FRA10AC1: variants seen among roughly 807,000 people sequenced by gnomAD.
FRA10AC1 encodes protein FRA10AC1.
In FRA10AC1, 43 loss-of-function variants were observed where a neutral mutation model predicts 56.5. That is an observed-to-expected ratio of 0.76 (90% CI 0.60 to 0.98). FRA10AC1 has a LOEUF of 0.98. FRA10AC1 is among the 50% of genes least tolerant of loss of function. The probability of loss-of-function intolerance (pLI) is 0.00; values close to 1 mark genes in which losing one functional copy is unlikely to be tolerated. For synonymous variants in FRA10AC1, 112 were observed against 110.5 expected, an observed-to-expected ratio of 1.01 and a Z score of -0.09; for missense variants, 346 against 351.8, an observed-to-expected ratio of 0.98 and a Z score of 0.13.
intron 7 of FRA10AC1, among the ~76,000 whole-genome samples, chr10:93,690,260 C>T (rs2059104061): frequency 6.6e-6 from 1 of 152,128 alleles, no homozygotes; most frequent in Admixed American, 6.6e-5. Context: ...AATCCTCCTC[C>T]AAATTCTGTA....
chr10:93,677,717 A>G (rs10786122), intron 11 of FRA10AC1, among the ~76,000 whole-genome samples: 100,953 of 152,072 alleles, frequency 0.66, 34,265 homozygotes, highest in Middle Eastern at 0.79. Context: ...ATAATATACA[A>G]CAGTGCCTCT....
At chr10:93,678,641 G>C (rs2058881920) in intron 11 of FRA10AC1, among the ~76,000 whole-genome samples, 1 of 151,988 alleles carries the variant, frequency 6.6e-6, no homozygotes, top group Non-Finnish European at 1.5e-5. Flanking sequence ...GACCAGTCTG[G>C]GAAACAGCAA....
At chr10:93,693,482 G>A (rs11187590) in intron 5 of FRA10AC1, among the ~76,000 whole-genome samples, 4,121 of 35,778 alleles carry the variant, frequency 0.12, 458 homozygotes, top group Middle Eastern at 0.2. Flanking sequence ...TGGTGTGTGT[G>A]TATATATATA....
chr10:93,701,751 CTT>C (rs1336695534), intron 1 of FRA10AC1, among the ~76,000 whole-genome samples: 1 of 152,100 alleles, frequency 6.6e-6, no homozygotes, highest in East Asian at 1.9e-4. Flanking sequence ...TCCTCTCACT[CTT>C]TGTCCTATGT....
rs185847466 is a variant in FRA10AC1 at position 93,701,007 on chromosome 10, T to A, written c.1-901A>T. Among the ~76,000 whole-genome samples the A allele has an allele frequency of 3.3e-3, 504 of 150,852 alleles. 4 individuals are homozygous for A. The highest frequency in any genetic ancestry group is 4.9e-3 in the African/African-American group (202 of 41,180). On this transcript the variant is annotated intron_variant, in intron 1 of 13. Coordinates refer to ENST00000359204, the MANE Select transcript of FRA10AC1 (RefSeq NM_145246.5). The stretch of plus-strand genomic sequence containing the variant: ...ATCACACCTGGCAAACTTAAAAAAA[T>A]TTTTTTTTTGTAGATAAGGGGTTTC...
intron 1 of FRA10AC1, 43 bp from the exon 2 acceptor site, chr10:93,700,149 C>A: frequency 9.1e-7 from 1 of 1,098,132 alleles, no homozygotes; most frequent in South Asian, 1.4e-5. Context: ...TCTATGTTGC[C>A]AATTGTCCAG....
chr10:93,681,282 A>G (rs1171402091), intron 11 of FRA10AC1, among the ~76,000 whole-genome samples, 198 bp downstream of exon 11: 1 of 152,182 alleles, frequency 6.6e-6, no homozygotes, highest in Non-Finnish European at 1.5e-5. Context: ...AACTAAAATT[A>G]ACCCTTAATT....
At position 93,702,470 on chromosome 10, in the gene FRA10AC1, C is replaced by G. The variant is rs2059351561; in HGVS notation, c.-96G>C. ...GCGACGACCCACGGCCTGAGAGAGC[C>G]GCTGCAGCACAGGTCCCGTGCGCCC... is the stretch of plus-strand genomic sequence containing the variant. On this transcript the variant is annotated 5_prime_UTR_variant, in exon 1 of 14. Coordinates refer to ENST00000359204, the MANE Select transcript of FRA10AC1 (RefSeq NM_145246.5). The G allele has an allele frequency of 5.8e-6, 1 of 172,366 alleles. No individual in the cohort carries two copies. Among genetic ancestry groups the G allele is most frequent in the African/African-American group, 2.4e-5 (1 of 41,556 alleles). 10.7% of individuals were successfully genotyped at this position (172,366 alleles called of 1,614,324 possible).
Position 93,698,367 on chromosome 10 carries a change from T to G in FRA10AC1, c.107A>C (p.Lys36Thr). The G allele has an allele frequency of 2.5e-6, 4 of 1,611,484 alleles. No homozygotes were observed. The highest frequency in any genetic ancestry group is 3.4e-6 in the Non-Finnish European group (4 of 1,178,426). Residue 36 changes from lysine (K) to threonine (T), a missense_variant, in exon 3 of 14, where the codon AAA (lysine) becomes ACA (threonine). Coordinates refer to ENST00000359204, the MANE Select transcript of FRA10AC1 (RefSeq NM_145246.5). ...RTVEDDLLLQ[K>T]PFQKEKHGKV... ...TCCATGTTTTTCTTTCTGAAATGGT[T>G]TTTGGAGCAGTAAGTCATCTTCAAC...
chr10:93,681,640 C>T, intron 10 of FRA10AC1, 42 bp from the exon 11 acceptor site: 1 of 1,419,952 alleles, frequency 7.0e-7, no homozygotes, highest in Non-Finnish European at 9.3e-7. Flanking sequence ...ACTTTTCCAA[C>T]TGACCTTTTC....
rs1181085479 is a variant in FRA10AC1 at position 93,700,093 on chromosome 10, C to T, written c.14G>A (p.Gly5Glu). Residue 5 changes from glycine to glutamate, a missense_variant, in exon 2 of 14, where the codon GGA (glycine) becomes GAA (glutamate). Gly to Glu is a moderately conservative substitution (Grantham distance 98). Transcript: ENST00000359204. MHGH[G>E]GYDSDFSDDE... ...ATCACTAAAATCAGAATCATAGCCT[C>T]CATGACCATGCATCTGTAAAGGAGT... The T allele has an allele frequency of 6.3e-7, 1 of 1,595,158 alleles. No individual in the cohort carries two copies. Among genetic ancestry groups the T allele is most frequent in the East Asian group, 2.2e-5 (1 of 44,680 alleles).
intron 5 of FRA10AC1, among the ~76,000 whole-genome samples, chr10:93,693,547 TACACAC>T (rs1554896311): frequency 8.0e-6 from 1 of 125,690 alleles, no homozygotes; most frequent in African/African-American, 3.1e-5. Flanking sequence ...TATATATATA[TACACAC>T]ATACATACAC....
Position 93,681,473 on chromosome 10 carries a change from C to T in FRA10AC1, c.787+7G>A, listed in dbSNP as rs371183108. On this transcript the variant is annotated splice_region_variant and intron_variant, in intron 11 of 13. Coordinates refer to ENST00000359204, the MANE Select transcript of FRA10AC1 (RefSeq NM_145246.5). Reference sequence around the variant, plus strand: ...TGAGTAGATGCCTTATCTTAATTTCCTTTTACCTTTATCTTTTTTCTTGGA... The same window carrying T: ...TGAGTAGATGCCTTATCTTAATTTCTTTTTACCTTTATCTTTTTTCTTGGA... 3.1e-5 allele frequency: 48 copies of T among 1,529,122 alleles called. 1 individual carries two copies. In the South Asian group the frequency reaches 4.9e-4, roughly 16 times the overall value. 94.7% of individuals were successfully genotyped at this position (1,529,122 alleles called of 1,614,324 possible). A position where few individuals can be genotyped will look rare whatever the true frequency, so the allele number is the denominator to read the frequency against.
rs2058865817 is a variant in FRA10AC1, at chr10:93,677,647, A to G, written c.788-956T>C. 3.9e-5 allele frequency among the ~76,000 whole-genome samples: 6 copies of G among 152,288 alleles called. No homozygotes were observed. The South Asian group carries it at 1.2e-3, about 32-fold the overall frequency. On this transcript the variant is annotated intron_variant, in intron 11 of 13. Coordinates refer to ENST00000359204, the MANE Select transcript of FRA10AC1 (RefSeq NM_145246.5). ...CAACTACCTGAAAATGTAAAGCTTT[A>G]TTTTTGATAGTAGTGGGTTCCTTTT...
At position 93,693,691 on chromosome 10, in the gene FRA10AC1, CCATA is replaced by C. The variant is rs2059181526; in HGVS notation, c.297-966_297-963del. Among the ~76,000 whole-genome samples the C allele has an allele frequency of 1.5e-4, 12 of 81,016 alleles. No individual in the cohort carries two copies. In the South Asian group the frequency reaches 5.0e-3, roughly 34 times the overall value. The allele number at this position is 81,016 out of a possible 152,430, so 53.1% of individuals were successfully genotyped here. On this transcript the variant is annotated intron_variant, in intron 5 of 13. Coordinates refer to ENST00000359204, the MANE Select transcript of FRA10AC1 (RefSeq NM_145246.5). ...TATACACCATATATATATATATATA[CCATA>C]TATATATACACACACCATTTATATA...
At chr10:93,681,763 A>G (rs1466698413) in intron 10 of FRA10AC1, among the ~76,000 whole-genome samples, 165 bp from the exon 11 acceptor site, 1 of 152,130 alleles carries the variant, frequency 6.6e-6, no homozygotes, top group Non-Finnish European at 1.5e-5. Context: ...TTATGCTTGT[A>G]TATTAATTAA....
chr10:93,672,843 C>T (rs4144098), intron 12 of FRA10AC1: 102,438 of 154,274 alleles, frequency 0.66, 34,766 homozygotes, highest in Middle Eastern at 0.79. Context: ...TGAGGGTTGG[C>T]AGTCACTACA....
At chr10:93,677,728 C>T (rs139059712) in intron 11 of FRA10AC1, among the ~76,000 whole-genome samples, 3 of 152,310 alleles carry the variant, frequency 2.0e-5, no homozygotes, top group Non-Finnish European at 2.9e-5. Flanking sequence ...CAGTGCCTCT[C>T]TCAAACTTTA....
rs527612748 is a variant in FRA10AC1 at position 93,672,823 on chromosome 10, C to T, written c.827-1975G>A. 5 of 154,684 alleles carry T rather than the reference C, an allele frequency of 3.2e-5. No homozygotes were observed. The South Asian group carries it at 1.0e-3, about 31-fold the overall frequency. 9.6% of individuals were successfully genotyped at this position (154,684 alleles called of 1,614,324 possible). A position where few individuals can be genotyped will look rare whatever the true frequency, so the allele number is the denominator to read the frequency against. On this transcript the variant is annotated intron_variant, in intron 12 of 13. Coordinates refer to ENST00000359204, the MANE Select transcript of FRA10AC1 (RefSeq NM_145246.5). ...TTATAACCCTATGAATCTATAGTAT[C>T]CTGGTTCCCTGAGGGTTGGCAGTCA...
Sources: allele counts gnomAD v4.1 joint callset (sites outside exome capture counted in the v4.1 genomes callset), GRCh38; gene constraint gnomAD v4.1.1; transcripts MANE v1.5; gene names NCBI Gene and HGNC (gene_info 2026-07-23, HGNC 2026-07-21).